ADGRL4: variants seen among roughly 807,000 people sequenced by gnomAD.
ADGRL4 encodes EGF, latrophilin and seven transmembrane domain containing 1.
A neutral mutation model predicts 74.8 loss-of-function variants in ADGRL4; 90 were observed. The observed-to-expected ratio is 1.20, with a 90% confidence interval of 1.02 to 1.43. The LOEUF (loss-of-function observed/expected upper bound fraction) is 1.43, where lower values mean the gene tolerates loss of function less well. ADGRL4 is among the 40% of genes most tolerant of loss of function. The pLI is 0.00. For synonymous variants in ADGRL4, 311 were observed against 279.2 expected (o/e 1.11, Z -1.14); for missense variants, 881 against 814.3 (o/e 1.08, Z -1.00).
intron 2 of ADGRL4, among the ~76,000 whole-genome samples, chr1:78,997,891 C>G (rs1196348239): frequency 6.6e-6 from 1 of 152,050 alleles, no homozygotes; most frequent in Non-Finnish European, 1.5e-5. Context: ...AGACATTATT[C>G]TAGGTAACAT....
intron 7 of ADGRL4, among the ~76,000 whole-genome samples, chr1:78,929,980 T>C (rs1649204184): frequency 6.6e-6 from 1 of 151,484 alleles, no homozygotes; most frequent in Non-Finnish European, 1.5e-5. Flanking sequence ...AAATACAAAA[T>C]GTATGCTTGG....
At chr1:78,954,828 C>G (rs1010590640) in intron 2 of ADGRL4, among the ~76,000 whole-genome samples, 1 of 152,054 alleles carries the variant, frequency 6.6e-6, no homozygotes, top group African/African-American at 2.4e-5. Context: ...GGGAACTAGA[C>G]AAACGTGCAA....
intron 10 of ADGRL4, 87 bp downstream of exon 10, chr1:78,920,096 A>G: frequency 9.7e-7 from 1 of 1,035,360 alleles, no homozygotes; most frequent in East Asian, 2.6e-5. Context: ...ATTAAACCCT[A>G]AATTACAAAT....
chr1:78,921,904 AAAC>A (rs1227681257), intron 8 of ADGRL4, 118 bp from the exon 9 acceptor site: 14 of 499,218 alleles, frequency 2.8e-5, no homozygotes, highest in Non-Finnish European at 4.3e-5. Flanking sequence ...GTGAAACACA[AAAC>A]AAATTATAAC....
chr1:78,998,198 T>A (rs1249353563), intron 2 of ADGRL4, among the ~76,000 whole-genome samples: 4 of 151,924 alleles, frequency 2.6e-5, no homozygotes, highest in Non-Finnish European at 4.4e-5. Flanking sequence ...TGACGCTGCT[T>A]TGAGAATTTC....
Position 78,983,829 on chromosome 1 carries a change from C to T in ADGRL4, c.172+21241G>A, listed in dbSNP as rs550798073. Among the ~76,000 whole-genome samples the T allele has an allele frequency of 1.1e-4, 17 of 151,710 alleles. 1 individual carries two copies. Among genetic ancestry groups the T allele is most frequent in the African/African-American group, 3.4e-4 (14 of 41,438 alleles). ...CTATGGAGAAAAAGTAGATTGCCTA[C>T]GAAGAAAAAGATACATGAGGACACT... On this transcript the variant is annotated intron_variant, in intron 2 of 14. Transcript: ENST00000370742.
chr1:78,919,042 T>C (rs192418457), intron 10 of ADGRL4, among the ~76,000 whole-genome samples: 4 of 152,018 alleles, frequency 2.6e-5, no homozygotes, highest in African/African-American at 9.6e-5. Context: ...GGGAGATACA[T>C]AAAATTGAAA....
At chr1:78,985,399 T>A (rs1013389866) in intron 2 of ADGRL4, among the ~76,000 whole-genome samples, 1 of 151,818 alleles carries the variant, frequency 6.6e-6, no homozygotes, top group Non-Finnish European at 1.5e-5. Flanking sequence ...TTGCAATAAG[T>A]ATATATTACT....
rs563909111 is a variant in ADGRL4 at position 79,004,834 on chromosome 1, A to C, written c.172+236T>G. 2.6e-5 allele frequency among the ~76,000 whole-genome samples: 4 copies of C among 152,326 alleles called. No individual in the cohort carries two copies. The East Asian group carries it at 5.8e-4, about 22-fold the overall frequency. ...GATCTCCAGCATGAGCTAAAAGGAA[A>C]TCTTTAATATTTGCACCAAAAAATA... On this transcript the variant is annotated intron_variant, in intron 2 of 14. Transcript: ENST00000370742.
At chr1:78,922,505 T>C (rs1649021630) in intron 8 of ADGRL4, among the ~76,000 whole-genome samples, 1 of 152,014 alleles carries the variant, frequency 6.6e-6, no homozygotes, top group East Asian at 1.9e-4. Context: ...GTGATAGTTA[T>C]TCAATAAACA....
At position 78,982,531 on chromosome 1, in the gene ADGRL4, A is replaced by G. The variant is rs141151330; in HGVS notation, c.172+22539T>C. On this transcript the variant is annotated intron_variant, in intron 2 of 14. Coordinates refer to ENST00000370742, the MANE Select transcript of ADGRL4 (RefSeq NM_022159.4). ...TTTCCTCTTTCTGCTCTGTCATCCAAAGAACTGAAACTTTTTTCCTTGGGC... is the reference window on the plus strand; with the variant it reads ...TTTCCTCTTTCTGCTCTGTCATCCAGAGAACTGAAACTTTTTTCCTTGGGC... 3.8e-3 allele frequency among the ~76,000 whole-genome samples: 583 copies of G among 152,006 alleles called. 6 individuals carry two copies. Among genetic ancestry groups the G allele is most frequent in the African/African-American group, 0.013 (555 of 41,528 alleles).
intron 2 of ADGRL4, among the ~76,000 whole-genome samples, chr1:79,001,566 C>T (rs1377419864): frequency 6.6e-6 from 1 of 152,220 alleles, no homozygotes; most frequent in East Asian, 1.9e-4. Flanking sequence ...CATATTTATA[C>T]AATTTTAAGG....
intron 12 of ADGRL4, among the ~76,000 whole-genome samples, chr1:78,907,444 A>G (rs930138904): frequency 1.3e-5 from 2 of 152,018 alleles, no homozygotes; most frequent in Admixed American, 6.6e-5. Context: ...ATACTGAGAG[A>G]AAATCCATAA....
At chr1:78,891,305 G>A (rs1242199000) in intron 14 of ADGRL4, 89 bp from the exon 15 acceptor site, 2 of 1,388,468 alleles carry the variant, frequency 1.4e-6, no homozygotes, top group African/African-American at 2.9e-5. Context: ...TGTTACATAT[G>A]GTTTTCTAAA....
chr1:78,999,437 G>A (rs1478309056), intron 2 of ADGRL4, among the ~76,000 whole-genome samples: 2 of 152,258 alleles, frequency 1.3e-5, no homozygotes, highest in Non-Finnish European at 2.9e-5. Context: ...GCCCGGCGTC[G>A]TGGCAGGCGC....
chr1:79,005,193 A>G lies in ADGRL4; in HGVS notation c.49T>C (p.Ser17Pro). The change falls in exon 2 of 15, where the codon TCC becomes CCC. Residue 17 changes from serine to proline, a missense_variant. Coordinates refer to ENST00000370742, the MANE Select transcript of ADGRL4 (RefSeq NM_022159.4). ...LVVFSTLLNC[S>P]YTQNCTKTPC... ...GTCTTGGTGCAATTTTGAGTATAGGAACAATTCAACAAAGTGGAAAAAACC... is the reference window on the plus strand; with the variant it reads ...GTCTTGGTGCAATTTTGAGTATAGGGACAATTCAACAAAGTGGAAAAAACC... The G allele has an allele frequency of 6.2e-7, 1 of 1,609,038 alleles. No individual in the cohort carries two copies.
chr1:78,938,136 G>C lies in ADGRL4; in HGVS notation c.540C>G (p.Ile180Met). Residue 180 changes from isoleucine (I) to methionine (M), a missense_variant, in exon 5 of 15, where the codon ATC (isoleucine) becomes ATG (methionine). Physicochemically the swap from Ile to Met is conservative, Grantham distance 10 (BLOSUM62 1). Coordinates refer to ENST00000370742, the MANE Select transcript of ADGRL4 (RefSeq NM_022159.4). ...AGTTAGAAAGGGTGTCCTTGGCTGA[G>C]ATAGTGTTGTTCTTGTAACCTAGTA... ...SSLLGYKNNT[I>M]SAKDTLSNST... 1 of 1,613,242 alleles carries C rather than the reference G, an allele frequency of 6.2e-7. No homozygotes were observed. The highest frequency in any genetic ancestry group is 8.5e-7 in the Non-Finnish European group (1 of 1,179,696).
intron 2 of ADGRL4, among the ~76,000 whole-genome samples, chr1:78,952,207 T>C (rs1296449293): frequency 6.6e-6 from 1 of 152,044 alleles, no homozygotes; most frequent in Non-Finnish European, 1.5e-5. Flanking sequence ...CTGTACACAT[T>C]TTCCCTCTGG....
intron 2 of ADGRL4, among the ~76,000 whole-genome samples, chr1:78,975,603 C>T (rs1157269727): frequency 6.6e-6 from 1 of 151,822 alleles, no homozygotes; most frequent in Non-Finnish European, 1.5e-5. Context: ...AGACTAAAAC[C>T]CAACTCAGGG....
Sources: gnomAD v4.1 joint callset for allele counts (sites outside exome capture counted in the v4.1 genomes callset) on GRCh38, gnomAD v4.1.1 for gene constraint, MANE v1.5 for transcripts, NCBI Gene and HGNC (gene_info 2026-07-23, HGNC 2026-07-21) for gene names.